CAGE1: variants seen among roughly 807,000 people sequenced by gnomAD.
CAGE1 encodes cancer-associated gene 1 protein.
In CAGE1, 66 loss-of-function variants were observed where a neutral mutation model predicts 94.9. The observed-to-expected ratio is 0.70, with a 90% confidence interval of 0.57 to 0.85. The LOEUF (loss-of-function observed/expected upper bound fraction) is 0.85. CAGE1 is among the 40% of genes least tolerant of loss of function. The probability of loss-of-function intolerance (pLI) is 0.00; values close to 1 mark genes in which losing one functional copy is unlikely to be tolerated. For synonymous variants in CAGE1, 319 were observed against 321.0 expected (o/e 0.99, Z 0.07); for missense variants, 865 against 950.4 (o/e 0.91, Z 1.18).
At chr6:7,349,770 TACA>T (rs1759696189) in intron 11 of CAGE1, among the ~76,000 whole-genome samples, 1 of 151,726 alleles carries the variant, frequency 6.6e-6, no homozygotes, top group Admixed American at 6.6e-5. Flanking sequence ...CCATCTTTAC[TACA>T]AATACAAAAT....
chr6:7,328,764 T>C (rs1291903554), intron 13 of CAGE1, among the ~76,000 whole-genome samples: 1 of 151,830 alleles, frequency 6.6e-6, no homozygotes, highest in Non-Finnish European at 1.5e-5. Context: ...TTTTGAATCC[T>C]CCCAACACAA....
chr6:7,368,836 T>C, intron 6 of CAGE1, 38 bp from the exon 7 acceptor site: 1 of 1,321,538 alleles, frequency 7.6e-7, no homozygotes, highest in Non-Finnish European at 1.0e-6. Context: ...TGAAAAAGTT[T>C]TTACTAAAGC....
At chr6:7,372,202 T>C (rs1038081915) in intron 5 of CAGE1, among the ~76,000 whole-genome samples, 6 of 152,176 alleles carry the variant, frequency 3.9e-5, no homozygotes, top group African/African-American at 1.4e-4. Flanking sequence ...TTGGGCGCAG[T>C]GTCTCACACC....
rs878858328 is a variant in CAGE1, at chr6:7,339,554, A to T, written c.2370-5464T>A. On this transcript the variant is annotated intron_variant, in intron 11 of 13. Transcript: ENST00000502583. The surrounding 1 kb of genome is among the most constrained non-coding windows in gnomAD (Gnocchi z 4.7). ...CAGTGACAAACTTCCTCTTCTTGGA[A>T]ATTTGTAAGGCGATCTTGCCGCCAT... is the stretch of plus-strand genomic sequence containing the variant. 5 of 778,042 alleles carry T rather than the reference A, an allele frequency of 6.4e-6. No homozygotes were observed. The highest frequency in any genetic ancestry group is 2.4e-5 in the East Asian group (1 of 41,152). 48.2% of individuals were successfully genotyped at this position (778,042 alleles called of 1,614,324 possible).
intron 11 of CAGE1, chr6:7,347,327 C>A (rs1338630841): frequency 6.6e-6 from 1 of 152,182 alleles, no homozygotes; most frequent in African/African-American, 2.4e-5. Flanking sequence ...CAAACCCCAA[C>A]TGAAGAAAAT....
intron 11 of CAGE1, among the ~76,000 whole-genome samples, chr6:7,335,765 A>C (rs1758933665): frequency 6.6e-6 from 1 of 152,158 alleles, no homozygotes; most frequent in African/African-American, 2.4e-5. Context: ...TTGTGGAGAC[A>C]AGAGTCTTGC....
chr6:7,387,836 G>A (rs539579843), intron 1 of CAGE1, among the ~76,000 whole-genome samples: 4 of 147,132 alleles, frequency 2.7e-5, no homozygotes, highest in South Asian at 4.3e-4. Context: ...TGGCTAACAC[G>A]GTGAAACCCC....
chr6:7,328,878 G>A (rs1488772984), intron 13 of CAGE1, among the ~76,000 whole-genome samples: 2 of 20,296 alleles, frequency 9.9e-5, no homozygotes, highest in East Asian at 3.7e-3. Flanking sequence ...TTATAAGTGT[G>A]TGTGTGTGTG....
chr6:7,363,862 CTTAAT>C (rs1418670629), intron 9 of CAGE1, among the ~76,000 whole-genome samples: 1 of 152,220 alleles, frequency 6.6e-6, no homozygotes, highest in Admixed American at 6.5e-5. Context: ...GCTTACATTC[CTTAAT>C]TTATTCAGGA....
chr6:7,364,458 A>G (rs1040271410), intron 9 of CAGE1, among the ~76,000 whole-genome samples: 1 of 151,774 alleles, frequency 6.6e-6, no homozygotes, highest in African/African-American at 2.4e-5. Context: ...AATAATAATT[A>G]CTGGTTTTTT....
Position 7,329,881 on chromosome 6 carries a change from T to A in CAGE1, c.2446A>T (p.Ser816Cys). 1 of 1,430,474 alleles carries A rather than the reference T, an allele frequency of 7.0e-7. No individual in the cohort carries two copies. Among genetic ancestry groups the A allele is most frequent in the Non-Finnish European group, 9.7e-7 (1 of 1,026,760 alleles). 88.6% of individuals were successfully genotyped at this position (1,430,474 alleles called of 1,614,324 possible). The change falls in exon 13 of 14, where the codon AGC (serine) becomes TGC (cysteine). Residue 816 changes from serine (S) to cysteine (C), a missense_variant. Physicochemically the swap from Ser to Cys is moderately radical, Grantham distance 112. Coordinates refer to ENST00000502583, the MANE Select transcript of CAGE1 (RefSeq NM_001170692.2). ...REKARKPRSK[S>C]LENHPKSMTM... ...ATGGACTTCGGATGATTTTCTAAGC[T>A]TTTTGATCTGTAAGAAATAGAAAGA...
chr6:7,389,186 G>C lies in CAGE1; in HGVS notation c.-24+16C>G, dbSNP rs758429954. 4.5e-6 allele frequency: 2 copies of C among 445,598 alleles called. No individual in the cohort carries two copies. Among genetic ancestry groups the C allele is most frequent in the Non-Finnish European group, 9.0e-6 (2 of 221,174 alleles). 27.6% of individuals were successfully genotyped at this position (445,598 alleles called of 1,614,324 possible). On this transcript the variant is annotated intron_variant, in intron 1 of 13. Coordinates refer to ENST00000502583, the MANE Select transcript of CAGE1 (RefSeq NM_001170692.2). ...GTTTTGTTTAAAAGCTTTTTCAGTT[G>C]TAAGACAAACTTTACCTTTTTAAAA...
rs1469390874 is a variant in CAGE1 at position 7,355,097 on chromosome 6, T to G, written c.2313A>C (p.Glu771Asp). The change falls in exon 11 of 14, where the codon GAA becomes GAC. Residue 771 changes from glutamate to aspartate, a missense_variant. Glu to Asp is a conservative substitution (Grantham distance 45). Coordinates refer to ENST00000502583, the MANE Select transcript of CAGE1 (RefSeq NM_001170692.2). ...TTTGGTCAGCACATTCAATGATTTC[T>G]TCATATGATGTAACCTTGAAAAAAA... ...GNLIKKVTSY[E>D]EIIECADQRL... 3 of 1,606,624 alleles carry G rather than the reference T, an allele frequency of 1.9e-6. No individual in the cohort carries two copies. In the South Asian group the frequency reaches 3.4e-5, roughly 18 times the overall value.
At chr6:7,347,503 T>TGGGGG (rs1298515594) in intron 11 of CAGE1, 3 of 29,924 alleles carry the variant, frequency 1.0e-4, no homozygotes, top group African/African-American at 1.6e-4. Context: ...AAAGCGAGGG[T>TGGGGG]GGGGGGGGGG....
chr6:7,344,136 G>A (rs1047023992), intron 11 of CAGE1, among the ~76,000 whole-genome samples: 33 of 152,228 alleles, frequency 2.2e-4, no homozygotes, highest in Non-Finnish European at 4.3e-4. Context: ...GAGCCCTTCA[G>A]CCCACCGCTG....
intron 11 of CAGE1, among the ~76,000 whole-genome samples, chr6:7,348,352 G>A (rs551999827): frequency 2.0e-5 from 3 of 152,248 alleles, no homozygotes; most frequent in Admixed American, 1.3e-4. Flanking sequence ...CCCATAGGAA[G>A]CCACATCCCC....
rs141421705 is a variant in CAGE1 at position 7,369,770 on chromosome 6, G to A, written c.1893+149C>T. On this transcript the variant is annotated intron_variant, in intron 6 of 13. Coordinates refer to ENST00000502583, the MANE Select transcript of CAGE1 (RefSeq NM_001170692.2). The stretch of plus-strand genomic sequence containing the variant: ...GAAAGAAGACATGGGGCGAAGAAGG[G>A]TTGGATGGATGGCTTAGGGGTCTGT... The A allele has an allele frequency of 6.8e-3, 4,481 of 658,244 alleles. 84 individuals carry two copies. Among genetic ancestry groups the A allele is most frequent in the African/African-American group, 0.054 (2,896 of 53,438 alleles). 40.8% of individuals were successfully genotyped at this position (658,244 alleles called of 1,614,324 possible).
At chr6:7,386,695 T>G (rs1181780018) in intron 2 of CAGE1, among the ~76,000 whole-genome samples, 1 of 152,188 alleles carries the variant, frequency 6.6e-6, no homozygotes, top group Non-Finnish European at 1.5e-5. Context: ...CAAGTGATTC[T>G]CCTGTCTCAG....
At chr6:7,349,406 AG>A (rs1485563549) in intron 11 of CAGE1, among the ~76,000 whole-genome samples, 1 of 152,210 alleles carries the variant, frequency 6.6e-6, no homozygotes, top group African/African-American at 2.4e-5. Context: ...AACTGCTAAA[AG>A]GAGCTCTAAA....
Sources: allele counts gnomAD v4.1 joint callset (sites outside exome capture counted in the v4.1 genomes callset), GRCh38; gene constraint gnomAD v4.1.1; non-coding constraint Gnocchi (gnomAD v3.1); transcripts MANE v1.5; gene names NCBI Gene and HGNC (gene_info 2026-07-23, HGNC 2026-07-21).